CLCA4: variants seen among roughly 807,000 people sequenced by gnomAD.
The protein encoded by CLCA4 is calcium-activated chloride channel regulator 4.
CLCA4 carries 69 observed loss-of-function variants against 78.9 expected under a neutral mutation model. The observed-to-expected ratio is 0.87, with a 90% confidence interval of 0.72 to 1.07. The LOEUF (loss-of-function observed/expected upper bound fraction) is 1.07, where lower values mean the gene tolerates loss of function less well. Among genes scored for constraint, CLCA4 ranks in the 50% least tolerant of loss-of-function variants. CLCA4 has a pLI of 0.00. For missense variants in CLCA4, 1,133 were observed against 1,095.8 expected, an observed-to-expected ratio of 1.03 and a Z score of -0.48; for synonymous variants, 362 against 375.8, an observed-to-expected ratio of 0.96 and a Z score of 0.42.
chr1:86,575,202 A>G (rs1343441350), intron 10 of CLCA4, 130 bp from the exon 11 acceptor site: 2 of 796,980 alleles, frequency 2.5e-6, no homozygotes, highest in Non-Finnish European at 3.9e-6. Flanking sequence ...GCCCTTACCC[A>G]TTTATCCTCA....
chr1:86,579,426 G>C lies in CLCA4; in HGVS notation c.2195G>C (p.Arg732Pro). Reference protein sequence around the residue: ...DTQTTLEDFSRTASGGAFVVS... With the variant: ...DTQTTLEDFSPTASGGAFVVS... The stretch of plus-strand genomic sequence containing the variant: ...CAGACCACCTTGGAGGATTTCAGCC[G>C]AACAGCATCCGGAGGTGCATTTGTG... Residue 732 changes from arginine (R) to proline (P), a missense_variant, in exon 13 of 14, where the codon CGA (arginine) becomes CCA (proline). By Grantham distance (103) the Arg-to-Pro change is moderately radical. Transcript: ENST00000370563. 1.2e-6 allele frequency: 2 copies of C among 1,613,282 alleles called. No individual in the cohort carries two copies. The highest frequency in any genetic ancestry group is 1.7e-6 in the Non-Finnish European group (2 of 1,179,524).
At chr1:86,574,801 T>C in intron 10 of CLCA4, 46 bp downstream of exon 10, 2 of 1,396,938 alleles carry the variant, frequency 1.4e-6, no homozygotes, top group Non-Finnish European at 2.0e-6. Flanking sequence ...TTTAAAAAAC[T>C]GAACATAAAT....
At chr1:86,579,720 A>AT (rs1303368611) in intron 13 of CLCA4, 133 bp downstream of exon 13, 1 of 745,076 alleles carries the variant, frequency 1.3e-6, no homozygotes, top group Non-Finnish European at 2.2e-6. Flanking sequence ...ATAATCTGAT[A>AT]TTTTTTAATC....
intron 5 of CLCA4, 91 bp downstream of exon 5, chr1:86,565,542 T>C (rs1276915741): frequency 1.0e-6 from 1 of 989,438 alleles, no homozygotes; most frequent in Non-Finnish European, 1.5e-6. Flanking sequence ...CTGAGGATTA[T>C]ATATATTGAT....
Position 86,579,461 on chromosome 1 carries a change from G to A in CLCA4, c.2230G>A (p.Val744Ile), listed in dbSNP as rs770821328. 1 of 1,613,306 alleles carries A rather than the reference G, an allele frequency of 6.2e-7. No individual in the cohort carries two copies. The change falls in exon 13 of 14, where the codon GTC becomes ATC. Residue 744 changes from valine to isoleucine, a missense_variant. Transcript: ENST00000370563. ...ASGGAFVVSQ[V>I]PSLPLPDQYP... ...CGGAGGTGCATTTGTGGTATCACAA[G>A]TCCCAAGCCTTCCCTTGCCTGACCA...
At chr1:86,567,162 C>A (rs1227882551) in intron 6 of CLCA4, among the ~76,000 whole-genome samples, 2 of 151,960 alleles carry the variant, frequency 1.3e-5, no homozygotes, top group African/African-American at 4.8e-5. Flanking sequence ...CCCCACCCTA[C>A]CTTCCACCTC....
In CLCA4 at chr1:86,571,185, G is replaced by A. The variant is rs763904592; in HGVS notation, c.1291G>A (p.Ala431Thr). The change falls in exon 8 of 14, where the codon GCC (alanine) becomes ACC (threonine). Residue 431 changes from alanine (A) to threonine (T), a missense_variant. Transcript: ENST00000370563. ...TATTGATGAAGTGAAACAAAGTGGG[G>A]CCATTGTTCATTTTATTGCTTTGGG... Reference protein sequence around the residue: ...SCIDEVKQSGAIVHFIALGRA... With the variant: ...SCIDEVKQSGTIVHFIALGRA... 5 of 1,612,996 alleles carry A rather than the reference G, an allele frequency of 3.1e-6. No homozygotes were observed. The highest frequency in any genetic ancestry group is 1.3e-5 in the African/African-American group (1 of 74,980).
At chr1:86,571,325 C>T (rs963668736) in intron 8 of CLCA4, 71 bp downstream of exon 8, 54 of 1,442,402 alleles carry the variant, frequency 3.7e-5, no homozygotes, top group African/African-American at 1.1e-4. Context: ...AGTTCAACAA[C>T]GTCTCTTGAG....
At chr1:86,568,583 G>A (rs147597894) in intron 7 of CLCA4, among the ~76,000 whole-genome samples, 30 of 151,574 alleles carry the variant, frequency 2.0e-4, no homozygotes, top group African/African-American at 7.0e-4. Flanking sequence ...AGTCTCCCCC[G>A]CTCAGTAAAA....
At chr1:86,571,347 G>A in intron 8 of CLCA4, 93 bp downstream of exon 8, 4 of 1,291,052 alleles carry the variant, frequency 3.1e-6, no homozygotes, top group Non-Finnish European at 3.2e-6. Context: ...TTCTGCCTTG[G>A]AGGCACTGAA....
At chr1:86,574,483 A>G in intron 9 of CLCA4, 57 bp from the exon 10 acceptor site, 1 of 1,430,496 alleles carries the variant, frequency 7.0e-7, no homozygotes, top group Non-Finnish European at 9.8e-7. Flanking sequence ...ACCATCTTGA[A>G]AAAAGAATAA....
Position 86,565,506 on chromosome 1 carries a change from G to A in CLCA4, c.735+55G>A. The stretch of plus-strand genomic sequence containing the variant: ...TTATAATCAAATGACATATTGTCAT[G>A]TTTTTAAAGTATCTGTTCAGGTGAC... On this transcript the variant is annotated intron_variant, in intron 5 of 13. Coordinates refer to ENST00000370563, the MANE Select transcript of CLCA4 (RefSeq NM_012128.4). 6 of 1,350,134 alleles carry A rather than the reference G, an allele frequency of 4.4e-6. No homozygotes were observed. The South Asian group carries it at 5.5e-5, about 12-fold the overall frequency. The allele number at this position is 1,350,134 out of a possible 1,614,324, so 83.6% of individuals were successfully genotyped here. A position where few individuals can be genotyped will look rare whatever the true frequency, so the allele number is the denominator to read the frequency against.
At position 86,577,177 on chromosome 1, in the gene CLCA4, C is replaced by T. The variant is rs537571271; in HGVS notation, c.1952-725C>T. The stretch of plus-strand genomic sequence containing the variant: ...TCTACTACATTAAAACTTATATGCA[C>T]CATGTTTCCCTTCTCAACATTTTGC... On this transcript the variant is annotated intron_variant, in intron 11 of 13. Coordinates refer to ENST00000370563, the MANE Select transcript of CLCA4 (RefSeq NM_012128.4). 2.0e-5 allele frequency among the ~76,000 whole-genome samples: 3 copies of T among 152,166 alleles called. No homozygotes were observed. In the South Asian group the frequency reaches 6.2e-4, roughly 32 times the overall value.
At chr1:86,558,682 G>A (rs911106802) in intron 1 of CLCA4, among the ~76,000 whole-genome samples, 3 of 152,140 alleles carry the variant, frequency 2.0e-5, no homozygotes, top group Non-Finnish European at 2.9e-5. Flanking sequence ...TATGAGAGCC[G>A]AGCTAAGGGG....
chr1:86,553,204 G>T, intron 1 of CLCA4: 1 of 1,164,812 alleles, frequency 8.6e-7, no homozygotes, highest in Non-Finnish European at 1.3e-6. Context: ...ATGTGGCAAA[G>T]CTGCAGCTTC....
Position 86,551,916 on chromosome 1 carries a change from CTG to C in CLCA4, c.159+4643_159+4644del, listed in dbSNP as rs373360143. Among the ~76,000 whole-genome samples, 509 of 152,212 alleles carry C rather than the reference CTG, an allele frequency of 3.3e-3. 2 individuals are homozygous for C. The highest frequency in any genetic ancestry group is 0.012 in the African/African-American group (487 of 41,518). ...TCTAATGACAAAAAAAATGTAGTAGCTGTGTGCGGTTTTTGAGTTTCACCCAG... is the reference window on the plus strand; with the variant it reads ...TCTAATGACAAAAAAAATGTAGTAGCTGTGCGGTTTTTGAGTTTCACCCAG... On this transcript the variant is annotated intron_variant, in intron 1 of 13. Coordinates refer to ENST00000370563, the MANE Select transcript of CLCA4 (RefSeq NM_012128.4).
In CLCA4 at chr1:86,575,328, T is replaced by C. The variant is rs749164519; in HGVS notation, c.1684-4T>C. The C allele has an allele frequency of 3.1e-6, 5 of 1,610,288 alleles. No individual in the cohort carries two copies. In the East Asian group the frequency reaches 8.9e-5, roughly 29 times the overall value. On this transcript the variant is annotated splice_polypyrimidine_tract_variant and splice_region_variant and intron_variant, in intron 10 of 13. Coordinates refer to ENST00000370563, the MANE Select transcript of CLCA4 (RefSeq NM_012128.4). ...ACTTACTATATTTCTGTTGAAACTT[T>C]TAGGTGGGCACTTGGGCATACAATC...
intron 3 of CLCA4, among the ~76,000 whole-genome samples, chr1:86,561,908 G>A (rs528936100): frequency 3.4e-4 from 52 of 151,918 alleles, no homozygotes; most frequent in Non-Finnish European, 6.2e-4. Context: ...ATTCCTCAAG[G>A]TCCTAAAAAA....
intron 1 of CLCA4, among the ~76,000 whole-genome samples, chr1:86,559,715 C>G (rs765074370): frequency 2.6e-5 from 4 of 152,170 alleles, no homozygotes; most frequent in Admixed American, 2.0e-4. Context: ...CCTTTTAAGG[C>G]AGGATTATAG....
Sources: gnomAD v4.1 joint callset for allele counts (sites outside exome capture counted in the v4.1 genomes callset) on GRCh38, gnomAD v4.1.1 for gene constraint, MANE v1.5 for transcripts, NCBI Gene and HGNC (gene_info 2026-07-23, HGNC 2026-07-21) for gene names.